Variants in PHACTR1 observed in about 807,000 individuals in gnomAD.
PHACTR1 encodes phosphatase and actin regulator 1.
PHACTR1 carries 16 observed loss-of-function variants against 69.2 expected under a neutral mutation model. The ratio of observed to expected loss-of-function variants is 0.23; its 90% CI spans 0.16 to 0.35. The LOEUF is 0.35. Among genes scored for constraint, PHACTR1 ranks in the 10% least tolerant of loss-of-function variants. The pLI, the probability that PHACTR1 is intolerant of heterozygous loss-of-function variation, is 1.00. For synonymous variants in PHACTR1, 312 were observed against 284.5 expected (o/e 1.10, Z -0.97); for missense variants, 510 against 734.7 (o/e 0.69, Z 3.54).
At chr6:13,174,487 A>T (rs1761051535) in intron 6 of PHACTR1, among the ~76,000 whole-genome samples, 1 of 152,230 alleles carries the variant, frequency 6.6e-6, no homozygotes, top group Admixed American at 6.5e-5. Context: ...TTGGTCTAAA[A>T]TTGTCGCATG....
intron 4 of PHACTR1, among the ~76,000 whole-genome samples, chr6:12,993,965 TGAA>T (rs1797110691): frequency 1.3e-5 from 2 of 151,978 alleles, no homozygotes; most frequent in African/African-American, 4.8e-5. Context: ...ATTCAACAAA[TGAA>T]GAACTAGAAA....
chr6:13,262,500 G>A (rs1345409907), intron 10 of PHACTR1, among the ~76,000 whole-genome samples: 3 of 152,178 alleles, frequency 2.0e-5, no homozygotes, highest in Non-Finnish European at 4.4e-5. Context: ...GAGCATGTGT[G>A]GCATCTGAAC....
chr6:13,265,512 C>T (rs1475026206), intron 10 of PHACTR1, among the ~76,000 whole-genome samples: 1 of 152,112 alleles, frequency 6.6e-6, no homozygotes, highest in Non-Finnish European at 1.5e-5. Context: ...GTTCATTGGC[C>T]AGGCAGAAAT....
Position 13,287,752 on chromosome 6 carries a change from G to A in PHACTR1, c.*674G>A, listed in dbSNP as rs1781941393. On this transcript the variant is annotated 3_prime_UTR_variant, in exon 15 of 15. Transcript: ENST00000332995. ...ACTGAGCACCCATCCTGCTCCCTCT[G>A]CCTGAGCTGAGCTGCCTTTCAGGAA... The A allele has an allele frequency of 6.5e-6, 1 of 153,038 alleles. No homozygotes were observed. The highest frequency in any genetic ancestry group is 6.5e-5 in the Admixed American group (1 of 15,348). 9.5% of individuals were successfully genotyped at this position (153,038 alleles called of 1,614,324 possible). A position where few individuals can be genotyped will look rare whatever the true frequency, so the allele number is the denominator to read the frequency against.
intron 10 of PHACTR1, among the ~76,000 whole-genome samples, chr6:13,256,157 C>T (rs1236628219): frequency 1.3e-5 from 2 of 152,268 alleles, no homozygotes; most frequent in Admixed American, 1.3e-4. Context: ...AGTTTGCACC[C>T]TCTGAAGCAG....
rs114814295 is a variant in PHACTR1, at chr6:12,818,175, G to A, written c.250+68385G>A. On this transcript the variant is annotated intron_variant, in intron 4 of 14. Coordinates refer to ENST00000332995, the MANE Select transcript of PHACTR1 (RefSeq NM_030948.6). ...GTGTGTATCAGTTAGTGTTTGCTACGTAACAAACCTACCCAGAAGTTAGCC... is the reference window on the plus strand; with the variant it reads ...GTGTGTATCAGTTAGTGTTTGCTACATAACAAACCTACCCAGAAGTTAGCC... Among the ~76,000 whole-genome samples the A allele has an allele frequency of 4.0e-3, 615 of 152,224 alleles. 2 individuals are homozygous for A. Among genetic ancestry groups the A allele is most frequent in the African/African-American group, 0.014 (576 of 41,538 alleles).
chr6:13,057,002 G>T (rs1252575560), intron 5 of PHACTR1, among the ~76,000 whole-genome samples: 1 of 152,168 alleles, frequency 6.6e-6, no homozygotes, highest in Non-Finnish European at 1.5e-5. Context: ...AGTTCAGTGT[G>T]GGGGAAGGGA....
At chr6:12,906,509 C>A (rs1785749612) in intron 4 of PHACTR1, among the ~76,000 whole-genome samples, 1 of 152,132 alleles carries the variant, frequency 6.6e-6, no homozygotes, top group Admixed American at 6.5e-5. Flanking sequence ...CTATTCAATG[C>A]AGAGTATGAA....
chr6:13,199,661 T>C (rs560432559), intron 7 of PHACTR1, among the ~76,000 whole-genome samples: 19 of 152,286 alleles, frequency 1.2e-4, no homozygotes, highest in African/African-American at 9.6e-5. Flanking sequence ...GAAGTACTTA[T>C]TGCTTGACAC....
chr6:13,165,771 G>GGTT (rs1554143060), intron 6 of PHACTR1, among the ~76,000 whole-genome samples: 2 of 151,996 alleles, frequency 1.3e-5, no homozygotes, highest in Non-Finnish European at 2.9e-5. Context: ...TCTGAAACCT[G>GGTT]GTCCTACTAC....
At chr6:12,787,187 C>A (rs1771645134) in intron 4 of PHACTR1, among the ~76,000 whole-genome samples, 1 of 152,214 alleles carries the variant, frequency 6.6e-6, no homozygotes, top group Non-Finnish European at 1.5e-5. Flanking sequence ...GAGGCTGGAT[C>A]AGGGTTGGCT....
chr6:13,228,173 T>C (rs1037705944), intron 9 of PHACTR1, 110 bp downstream of exon 9: 21 of 1,379,930 alleles, frequency 1.5e-5, no homozygotes, highest in Admixed American at 2.3e-5. Context: ...CCTGCTCTGG[T>C]GTTGACTGGT....
chr6:13,160,076 A>G (rs767770485), intron 5 of PHACTR1, 128 bp from the exon 6 acceptor site: 2 of 783,988 alleles, frequency 2.6e-6, no homozygotes, highest in Non-Finnish European at 4.4e-6. Context: ...ATTAGCTCAC[A>G]TTAGCAAAGC....
intron 5 of PHACTR1, among the ~76,000 whole-genome samples, chr6:13,094,517 G>A (rs1203996970): frequency 6.6e-6 from 1 of 151,912 alleles, no homozygotes; most frequent in Non-Finnish European, 1.5e-5. Context: ...GGCGGGTCTT[G>A]AACTCCTGAC....
chr6:13,134,069 G>A (rs75962217), intron 5 of PHACTR1, among the ~76,000 whole-genome samples: 12 of 151,258 alleles, frequency 7.9e-5, no homozygotes, highest in Non-Finnish European at 1.2e-4. Flanking sequence ...CTGCCGCCCC[G>A]TCTGAGAAGT....
At chr6:13,238,320 C>A (rs1772317225) in intron 10 of PHACTR1, among the ~76,000 whole-genome samples, 1 of 152,186 alleles carries the variant, frequency 6.6e-6, no homozygotes, top group African/African-American at 2.4e-5. Flanking sequence ...AATTCTTCCT[C>A]TTTTCTCTCC....
intron 4 of PHACTR1, among the ~76,000 whole-genome samples, chr6:13,005,027 A>AT (rs1582922886): frequency 6.6e-6 from 1 of 151,604 alleles, no homozygotes; most frequent in Non-Finnish European, 1.5e-5. Context: ...ATATCTTTAA[A>AT]TTTTTTATTA....
chr6:13,091,570 C>T (rs1447856836), intron 5 of PHACTR1, among the ~76,000 whole-genome samples: 1 of 152,136 alleles, frequency 6.6e-6, no homozygotes, highest in Admixed American at 6.5e-5. Flanking sequence ...GATTTAAGCA[C>T]ATTACATCTA....
chr6:12,744,700 T>A (rs989438109), intron 3 of PHACTR1, among the ~76,000 whole-genome samples: 1 of 152,180 alleles, frequency 6.6e-6, no homozygotes, highest in Admixed American at 6.5e-5. Flanking sequence ...AATAAAAGAA[T>A]AGCTATTCCA....
Sources: gnomAD v4.1 joint callset for allele counts (sites outside exome capture counted in the v4.1 genomes callset) on GRCh38, gnomAD v4.1.1 for gene constraint, MANE v1.5 for transcripts, NCBI Gene and HGNC (gene_info 2026-07-23, HGNC 2026-07-21) for gene names.